LRATD1: variants seen among roughly 807,000 people sequenced by gnomAD.
LRATD1 encodes the protein protein LRATD1.
A neutral mutation model predicts 21.3 loss-of-function variants in LRATD1; 8 were observed. The observed-to-expected ratio is 0.38, with a 90% CI of 0.22 to 0.68. The LOEUF (loss-of-function observed/expected upper bound fraction) is 0.68, where lower values mean the gene tolerates loss of function less well. Among genes scored for constraint, LRATD1 ranks in the 30% least tolerant of loss-of-function variants. The pLI, the probability that LRATD1 is intolerant of heterozygous loss-of-function variation, is 0.54. For synonymous variants in LRATD1, 210 were observed against 186.2 expected, an observed-to-expected ratio of 1.13 and a Z score of -1.04; for missense variants, 380 against 404.0, an observed-to-expected ratio of 0.94 and a Z score of 0.51.
At position 14,634,556 on chromosome 2, in the gene LRATD1, G is replaced by C; in HGVS notation, c.577G>C (p.Val193Leu). Residue 193 changes from valine to leucine, a missense_variant, in exon 2 of 2, where the codon GTG becomes CTG. Transcript: ENST00000295092. Reference protein sequence around the residue: ...RYRPLVAELVVQNACGHLGLK... With the variant: ...RYRPLVAELVLQNACGHLGLK... ...CCGCCCGCTGGTGGCCGAGCTGGTG[G>C]TGCAGAACGCCTGCGGCCACCTGGG... 6.7e-7 allele frequency: 1 copy of C among 1,495,854 alleles called. No homozygotes were observed. The highest frequency in any genetic ancestry group is 8.9e-7 in the Non-Finnish European group (1 of 1,122,082). The allele number at this position is 1,495,854 out of a possible 1,614,324, so 92.7% of individuals were successfully genotyped here. A position where few individuals can be genotyped will look rare whatever the true frequency, so the allele number is the denominator to read the frequency against.
At chr2:14,643,333 G>A (rs566218525), downstream of LRATD1, among the ~76,000 whole-genome samples, 11 of 152,258 alleles carry the variant, frequency 7.2e-5, no homozygotes, top group South Asian at 2.3e-3. Context: ...GATTAATTCT[G>A]CGTATGTTAC....
At chr2:14,648,740 C>T (rs1470195536) in intron 4 of LRATD1, among the ~76,000 whole-genome samples, 1 of 152,164 alleles carries the variant, frequency 6.6e-6, no homozygotes, top group South Asian at 2.1e-4. Context: ...CTTTGAGAAC[C>T]ACTGCAATGA....
rs971094150 is a variant in LRATD1 at position 14,633,261 on chromosome 2, C to T, written c.-37+324C>T. On this transcript the variant is annotated intron_variant, in intron 1 of 1. Transcript: ENST00000295092. The surrounding 1 kb of genome is among the most constrained non-coding windows in gnomAD (Gnocchi z 7.5). ...CCCGGGTGCTTGGGCGTACGTGCAA[C>T]GGCGAGCGTGCAAGCGTGGAGCTGA... Among the ~76,000 whole-genome samples the T allele has an allele frequency of 6.6e-6, 1 of 152,184 alleles. No homozygotes were observed. Among genetic ancestry groups the T allele is most frequent in the Admixed American group, 6.5e-5 (1 of 15,282 alleles).
downstream of LRATD1, among the ~76,000 whole-genome samples, chr2:14,644,095 G>A (rs1177222702): frequency 1.5e-5 from 2 of 132,610 alleles, no homozygotes; most frequent in Non-Finnish European, 3.1e-5. Context: ...CCTAATAAAG[G>A]CAAGCATTTT....
chr2:14,651,067 C>A (rs927757937), downstream of LRATD1, among the ~76,000 whole-genome samples: 1 of 152,162 alleles, frequency 6.6e-6, no homozygotes, highest in African/African-American at 2.4e-5. Flanking sequence ...TCATCCTCAT[C>A]ATAGGACCCC....
At chr2:14,648,577 C>T (rs1251845047) in intron 4 of LRATD1, among the ~76,000 whole-genome samples, 1 of 152,138 alleles carries the variant, frequency 6.6e-6, no homozygotes, top group Non-Finnish European at 1.5e-5. Context: ...AAACTGTTCT[C>T]ATATAACACA....
downstream of LRATD1, among the ~76,000 whole-genome samples, chr2:14,642,302 C>T (rs1425687644): frequency 6.6e-6 from 1 of 152,090 alleles, no homozygotes; most frequent in Non-Finnish European, 1.5e-5. Context: ...GTTTCTCTGT[C>T]CTGGGTATAA....
Position 14,635,002 on chromosome 2 carries a change from C to T in LRATD1, c.*144C>T. On this transcript the variant is annotated 3_prime_UTR_variant, in exon 2 of 2. Coordinates refer to ENST00000295092, the MANE Select transcript of LRATD1 (RefSeq NM_145175.4). ...CCGCCGGTGGCCCGGGCCCGGGCTG[C>T]ACCCCCGCATCCCCAAGCCAGCGGC... is the stretch of plus-strand genomic sequence containing the variant. 2 of 1,151,280 alleles carry T rather than the reference C, an allele frequency of 1.7e-6. No homozygotes were observed. Among genetic ancestry groups the T allele is most frequent in the Non-Finnish European group, 2.5e-6 (2 of 800,626 alleles). 71.3% of individuals were successfully genotyped at this position (1,151,280 alleles called of 1,614,324 possible).
chr2:14,648,701 T>C (rs1413384134), intron 4 of LRATD1, among the ~76,000 whole-genome samples: 1 of 152,130 alleles, frequency 6.6e-6, no homozygotes, highest in African/African-American at 2.4e-5. Flanking sequence ...TAAAAGAGTC[T>C]CCGGGATCCC....
At position 14,633,757 on chromosome 2, in the gene LRATD1, A is replaced by G. The variant is rs992111313; in HGVS notation, c.-36-187A>G. The G allele has an allele frequency of 6.6e-6, 4 of 604,474 alleles. No homozygotes were observed. Among genetic ancestry groups the G allele is most frequent in the Non-Finnish European group, 1.2e-5 (4 of 345,334 alleles). The allele number at this position is 604,474 out of a possible 1,614,324, so 37.4% of individuals were successfully genotyped here. A position where few individuals can be genotyped will look rare whatever the true frequency, so the allele number is the denominator to read the frequency against. On this transcript the variant is annotated intron_variant, in intron 1 of 1. Coordinates refer to ENST00000295092, the MANE Select transcript of LRATD1 (RefSeq NM_145175.4). This position sits in a 1 kb window ranked among gnomAD's most constrained non-coding sequence, Gnocchi z 7.5. ...GTGTGGTGGCGTCTGCTCTCGCCTGACCTGTGGCGGCTTCTCCGCCCCTCG... is the reference window on the plus strand; with the variant it reads ...GTGTGGTGGCGTCTGCTCTCGCCTGGCCTGTGGCGGCTTCTCCGCCCCTCG...
chr2:14,641,554 T>C (rs1671805777), downstream of LRATD1, among the ~76,000 whole-genome samples: 1 of 152,148 alleles, frequency 6.6e-6, no homozygotes, highest in Admixed American at 6.5e-5. Flanking sequence ...TCTACCCCTC[T>C]AGCTCCTCTA....
In LRATD1 at chr2:14,636,473, G is replaced by A. The variant is rs1671690433; in HGVS notation, c.*1615G>A. ...TTCAGTTCTTCCTGAAAACAGGGAT[G>A]ATGAACTTGTAGGATCAGGACAAAT... On this transcript the variant is annotated 3_prime_UTR_variant, in exon 2 of 2. Coordinates refer to ENST00000295092, the MANE Select transcript of LRATD1 (RefSeq NM_145175.4). 2 of 167,226 alleles carry A rather than the reference G, an allele frequency of 1.2e-5. No homozygotes were observed. Among genetic ancestry groups the A allele is most frequent in the East Asian group, 1.9e-4 (1 of 5,196 alleles). The allele number at this position is 167,226 out of a possible 1,614,324, so 10.4% of individuals were successfully genotyped here.
rs1195847455 is a variant in LRATD1 at position 14,635,544 on chromosome 2, G to A, written c.*686G>A. 2.1e-6 allele frequency: 1 copy of A among 471,028 alleles called. No individual in the cohort carries two copies. Among genetic ancestry groups the A allele is most frequent in the African/African-American group, 2.0e-5 (1 of 50,068 alleles). 29.2% of individuals were successfully genotyped at this position (471,028 alleles called of 1,614,324 possible). A position where few individuals can be genotyped will look rare whatever the true frequency, so the allele number is the denominator to read the frequency against. On this transcript the variant is annotated 3_prime_UTR_variant, in exon 2 of 2. Transcript: ENST00000295092. ...TTTGCCTCCGGTTCTTTCCACCGTG[G>A]GAAGCGAACGCCACCCCCACCCGCC...
chr2:14,647,464 C>T (rs998301847), intron 4 of LRATD1, among the ~76,000 whole-genome samples: 1 of 152,032 alleles, frequency 6.6e-6, no homozygotes, highest in African/African-American at 2.4e-5. Context: ...AATATATGAA[C>T]TACTTGCTGT....
At position 14,635,097 on chromosome 2, in the gene LRATD1, G is replaced by A; in HGVS notation, c.*239G>A. 1.4e-6 allele frequency: 1 copy of A among 714,088 alleles called. No individual in the cohort carries two copies. Among genetic ancestry groups the A allele is most frequent in the Non-Finnish European group, 2.6e-6 (1 of 388,452 alleles). 44.2% of individuals were successfully genotyped at this position (714,088 alleles called of 1,614,324 possible). A position where few individuals can be genotyped will look rare whatever the true frequency, so the allele number is the denominator to read the frequency against. On this transcript the variant is annotated 3_prime_UTR_variant, in exon 2 of 2. Coordinates refer to ENST00000295092, the MANE Select transcript of LRATD1 (RefSeq NM_145175.4). Reference sequence around the variant, plus strand: ...GAGCGCCTGGCTGACAGCCACAGCGGTGGTGACGGTGCTGGGAGACCCCGC... The same window carrying A: ...GAGCGCCTGGCTGACAGCCACAGCGATGGTGACGGTGCTGGGAGACCCCGC...
chr2:14,651,467 T>C (rs1218529102), downstream of LRATD1, among the ~76,000 whole-genome samples: 1 of 152,162 alleles, frequency 6.6e-6, no homozygotes, highest in Non-Finnish European at 1.5e-5. Context: ...ACTGCCTTAT[T>C]GCTTTCCAGA....
chr2:14,640,426 G>A (rs1231249286), downstream of LRATD1, among the ~76,000 whole-genome samples: 2 of 152,122 alleles, frequency 1.3e-5, no homozygotes, highest in Non-Finnish European at 2.9e-5. Flanking sequence ...AGATACTTAT[G>A]AAATACTAGG....
rs1671604804 is a variant in LRATD1, at chr2:14,633,707, G to C, written c.-36-237G>C. 4.4e-6 allele frequency: 2 copies of C among 451,878 alleles called. No individual in the cohort carries two copies. The highest frequency in any genetic ancestry group is 7.9e-6 in the Non-Finnish European group (2 of 252,314). The allele number at this position is 451,878 out of a possible 1,614,324, so 28.0% of individuals were successfully genotyped here. On this transcript the variant is annotated intron_variant, in intron 1 of 1. Transcript: ENST00000295092. This position sits in a 1 kb window ranked among gnomAD's most constrained non-coding sequence, Gnocchi z 7.5. ...GGTGTTTTCTTCTGGGAGTTGGACC[G>C]AGTTCCCGGAAGGGGTCGGAGGCTG...
At chr2:14,650,928 T>C (rs1180308027), downstream of LRATD1, 1 of 152,188 alleles carries the variant, frequency 6.6e-6, no homozygotes, top group African/African-American at 2.4e-5. Flanking sequence ...TATGTGCATA[T>C]ACACACACTG....
Sources: gnomAD v4.1 joint callset for allele counts (sites outside exome capture counted in the v4.1 genomes callset) on GRCh38, gnomAD v4.1.1 for gene constraint, Gnocchi (gnomAD v3.1) non-coding constraint, MANE v1.5 for transcripts, NCBI Gene and HGNC (gene_info 2026-07-23, HGNC 2026-07-21) for gene names.